Variants in TLN2 observed in about 807,000 individuals in gnomAD.
TLN2 encodes talin-2.
A neutral mutation model predicts 294.7 loss-of-function variants in TLN2; 118 were observed. The observed-to-expected ratio is 0.40, with a 90% CI of 0.34 to 0.47. The LOEUF (loss-of-function observed/expected upper bound fraction) is 0.47. TLN2 is among the 20% of genes least tolerant of loss of function. The pLI, the probability that TLN2 is intolerant of heterozygous loss-of-function variation, is 0.84. For synonymous variants in TLN2, 1,431 were observed against 1,304.5 expected (o/e 1.10, Z -2.09); for missense variants, 3,083 against 3,282.2 (o/e 0.94, Z 1.48).
chr15:62,647,430 G>A lies in TLN2; in HGVS notation c.120G>A (p.Glu40=), dbSNP rs775667508. 7 of 1,614,206 alleles carry A rather than the reference G, an allele frequency of 4.3e-6. No individual in the cohort carries two copies. Among genetic ancestry groups the A allele is most frequent in the Non-Finnish European group, 5.9e-6 (7 of 1,180,036 alleles). The change falls in exon 4 of 59, where the codon GAG becomes GAA. Residue 40 remains glutamate, a synonymous_variant. Transcript: ENST00000636159. ...GAGTCATTCGGGAACGGGTGCCTGA[G>A]GCACAAACTGGGCAAGGTAGGTCAT... ...ACRVIRERVP[E]AQTGQASDYG...
At chr15:62,414,265 G>A (rs2033957545) in intron 1 of TLN2, among the ~76,000 whole-genome samples, 1 of 133,992 alleles carries the variant, frequency 7.5e-6, no homozygotes. Context: ...TTTGATTTGA[G>A]AATGTGGGGG....
In TLN2 at chr15:62,772,663, A is replaced by AT. The variant is rs1157258526; in HGVS notation, c.5367+1532dup. Among the ~76,000 whole-genome samples, 191 of 76,502 alleles carry AT rather than the reference A, an allele frequency of 2.5e-3. 1 individual carries two copies. The highest frequency in any genetic ancestry group is 8.3e-3 in the African/African-American group (173 of 20,752). The allele number at this position is 76,502 out of a possible 152,430, so 50.2% of individuals were successfully genotyped here. A position where few individuals can be genotyped will look rare whatever the true frequency, so the allele number is the denominator to read the frequency against. ...AAGGAGGAGTTTTCTGGATTTATTTATTTATTTTTTTTTTTTGAGACAGAG... is the reference window on the plus strand; with the variant it reads ...AAGGAGGAGTTTTCTGGATTTATTTATTTTATTTTTTTTTTTTGAGACAGAG... On this transcript the variant is annotated intron_variant, in intron 42 of 58. Coordinates refer to ENST00000636159, the MANE Select transcript of TLN2 (RefSeq NM_015059.3).
At chr15:62,756,427 C>T (rs1373288680) in intron 37 of TLN2, among the ~76,000 whole-genome samples, 6 of 152,100 alleles carry the variant, frequency 3.9e-5, no homozygotes, top group Admixed American at 3.9e-4. Flanking sequence ...GGCAGCTGAC[C>T]TGTGAGAAAA....
intron 1 of TLN2, among the ~76,000 whole-genome samples, chr15:62,439,559 CGCCTTG>C (rs1466873067): frequency 6.6e-6 from 1 of 152,092 alleles, no homozygotes; most frequent in Non-Finnish European, 1.5e-5. Flanking sequence ...GTGATCTGCC[CGCCTTG>C]GCCTCCCAAA....
intron 2 of TLN2, among the ~76,000 whole-genome samples, chr15:62,593,990 T>C (rs1166643765): frequency 6.6e-6 from 1 of 152,086 alleles, no homozygotes; most frequent in Admixed American, 6.5e-5. Flanking sequence ...ATAAGAAACA[T>C]CTGTATGAAA....
chr15:62,455,744 C>T (rs2140329490), intron 1 of TLN2, among the ~76,000 whole-genome samples: 1 of 152,338 alleles, frequency 6.6e-6, no homozygotes. Flanking sequence ...CCTTTTGCCT[C>T]TGGGACTCCA....
chr15:62,824,057 C>T (rs1470042183), intron 54 of TLN2: 1 of 496,126 alleles, frequency 2.0e-6, no homozygotes, highest in Non-Finnish European at 4.2e-6. Context: ...TCCGGGGGTT[C>T]CTAATAAAGT....
chr15:62,653,280 G>C lies in TLN2; in HGVS notation c.483G>C (p.Glu161Asp). ...TGTTACGAGATGAGAGGAAAATGGA[G>C]AAGTTGAAGGCCAAGCTGCACACAG... is the stretch of plus-strand genomic sequence containing the variant. The part of the protein sequence containing the change: ...RTLLRDERKM[E>D]KLKAKLHTDD... Residue 161 changes from glutamate to aspartate, a missense_variant, in exon 7 of 59, where the codon GAG (glutamate) becomes GAC (aspartate). Transcript: ENST00000636159. 6.2e-7 allele frequency: 1 copy of C among 1,613,824 alleles called. No individual in the cohort carries two copies. Among genetic ancestry groups the C allele is most frequent in the Non-Finnish European group, 8.5e-7 (1 of 1,179,956 alleles).
chr15:62,465,241 T>C (rs1265562290), intron 1 of TLN2, among the ~76,000 whole-genome samples: 1 of 151,976 alleles, frequency 6.6e-6, no homozygotes, highest in Admixed American at 6.6e-5. Context: ...GTTCTCTCTC[T>C]TTGCTGGGAG....
chr15:62,470,396 G>A (rs11071671), intron 1 of TLN2, among the ~76,000 whole-genome samples: 22,895 of 152,250 alleles, frequency 0.15, 1,760 homozygotes, highest in Non-Finnish European at 0.17. Flanking sequence ...ACATCCAATG[G>A]CGAGTTCCCT....
rs144131432 is a variant in TLN2, at chr15:62,627,029, G to A, written c.-37+8554G>A. 1.8e-4 allele frequency among the ~76,000 whole-genome samples: 28 copies of A among 152,300 alleles called. No individual in the cohort carries two copies. The East Asian group carries it at 4.6e-3, about 25-fold the overall frequency. ...AAAATAGGATTGTGGATATATTGCTGGGGTTGCAAGGAAGGGCTAAGGTAA... is the reference window on the plus strand; with the variant it reads ...AAAATAGGATTGTGGATATATTGCTAGGGTTGCAAGGAAGGGCTAAGGTAA... On this transcript the variant is annotated intron_variant, in intron 3 of 58. Transcript: ENST00000636159.
At chr15:62,450,684 C>T (rs1366024336) in intron 1 of TLN2, among the ~76,000 whole-genome samples, 1 of 152,050 alleles carries the variant, frequency 6.6e-6, no homozygotes, top group African/African-American at 2.4e-5. Context: ...AAGATATCCT[C>T]CTGCCTTAGC....
intron 2 of TLN2, among the ~76,000 whole-genome samples, chr15:62,608,915 C>T (rs758430424): frequency 1.1e-4 from 17 of 151,756 alleles, no homozygotes; most frequent in Non-Finnish European, 1.9e-4. Context: ...GTGCTGGGGC[C>T]GGACAGAAGT....
chr15:62,715,701 T>C (rs1489185942), intron 22 of TLN2, among the ~76,000 whole-genome samples: 1 of 152,184 alleles, frequency 6.6e-6, no homozygotes, highest in Non-Finnish European at 1.5e-5. Flanking sequence ...GCATTACATT[T>C]CTCTCATTAA....
At chr15:62,657,165 G>A (rs946230553) in intron 8 of TLN2, among the ~76,000 whole-genome samples, 2 of 144,620 alleles carry the variant, frequency 1.4e-5, no homozygotes, top group Non-Finnish European at 3.1e-5. Context: ...GGGGGGGGAA[G>A]CAACAGCAGT....
chr15:62,682,393 T>A (rs2056912325), intron 11 of TLN2, among the ~76,000 whole-genome samples: 1 of 152,148 alleles, frequency 6.6e-6, no homozygotes, highest in Non-Finnish European at 1.5e-5. Context: ...TTTACCCACC[T>A]CCATACAGAG....
chr15:62,772,143 TG>T (rs1036893744), intron 42 of TLN2, among the ~76,000 whole-genome samples: 1 of 151,960 alleles, frequency 6.6e-6, no homozygotes, highest in Non-Finnish European at 1.5e-5. Flanking sequence ...TAATTAGAGG[TG>T]GGGGGTCTCA....
intron 2 of TLN2, among the ~76,000 whole-genome samples, chr15:62,597,004 G>A (rs1376185047): frequency 6.6e-6 from 1 of 152,038 alleles, no homozygotes; most frequent in Non-Finnish European, 1.5e-5. Context: ...TTTCATGGTA[G>A]CTTGTTGGGA....
chr15:62,712,811 T>G (rs1285466908), intron 22 of TLN2, among the ~76,000 whole-genome samples: 1 of 152,224 alleles, frequency 6.6e-6, no homozygotes, highest in Non-Finnish European at 1.5e-5. Context: ...AGAACTGTTT[T>G]AAATGAATAA....
Sources: gnomAD v4.1 joint callset for allele counts (sites outside exome capture counted in the v4.1 genomes callset) on GRCh38, gnomAD v4.1.1 for gene constraint, MANE v1.5 for transcripts, NCBI Gene and HGNC (gene_info 2026-07-23, HGNC 2026-07-21) for gene names.